The following SPATA22 variants were observed in gnomAD, a reference collection of about 807,000 sequenced individuals.
The protein encoded by SPATA22 is spermatogenesis associated 22.
Under a neutral mutation model 47.8 loss-of-function variants are expected in SPATA22, and 29 were observed. The ratio of observed to expected loss-of-function variants is 0.61; its 90% confidence interval spans 0.45 to 0.83. SPATA22 has a LOEUF of 0.83. Ranked by LOEUF, SPATA22 falls within the 40% of genes least tolerant of loss-of-function variation. The pLI, the probability that SPATA22 is intolerant of heterozygous loss-of-function variation, is 0.00. For synonymous variants in SPATA22, 133 were observed against 140.9 expected (o/e 0.94, Z 0.40); for missense variants, 410 against 421.7 (o/e 0.97, Z 0.24).
intron 1 of SPATA22, among the ~76,000 whole-genome samples, chr17:3,497,805 A>T (rs1333942525): frequency 2.0e-5 from 3 of 152,180 alleles, no homozygotes; most frequent in Non-Finnish European, 2.9e-5. Flanking sequence ...GGTGATGCGG[A>T]TGCTGCTGGG....
chr17:3,504,986 A>G (rs565295713), intron 1 of SPATA22, among the ~76,000 whole-genome samples: 355 of 152,156 alleles, frequency 2.3e-3, no homozygotes, highest in African/African-American at 8.3e-3. Flanking sequence ...GCCTCTGCCC[A>G]CCCCTCTAGC....
chr17:3,486,490 T>A (rs1054630611), intron 1 of SPATA22, among the ~76,000 whole-genome samples: 2 of 152,212 alleles, frequency 1.3e-5, no homozygotes, highest in African/African-American at 4.8e-5. Flanking sequence ...CACTTGTTTA[T>A]CCTGCCAGTT....
chr17:3,483,607 C>T (rs1362880583), intron 1 of SPATA22: 3 of 1,584,366 alleles, frequency 1.9e-6, no homozygotes, highest in Non-Finnish European at 2.6e-6. Flanking sequence ...GTCATAGTTC[C>T]CACTGTCATA....
At position 3,462,410 on chromosome 17, in the gene SPATA22, G is replaced by A. The variant is rs544617235; in HGVS notation, c.329+73C>T. On this transcript the variant is annotated intron_variant, in intron 5 of 8. Transcript: ENST00000572969. ...GTCTGAGAAACAACGAAGTGAAGGA[G>A]GAGGGAAGAATGAAGAGGAAGACAG... is the stretch of plus-strand genomic sequence containing the variant. The A allele has an allele frequency of 1.4e-5, 14 of 1,008,622 alleles. No individual in the cohort carries two copies. In the South Asian group the frequency reaches 1.5e-4, roughly 11 times the overall value. 62.5% of individuals were successfully genotyped at this position (1,008,622 alleles called of 1,614,324 possible).
In SPATA22 at chr17:3,443,173, C is replaced by T. The variant is rs1156746289; in HGVS notation, c.900+1G>A. 1.1e-5 allele frequency: 17 copies of T among 1,599,696 alleles called. No individual in the cohort carries two copies. The highest frequency in any genetic ancestry group is 1.7e-4 in the Middle Eastern group (1 of 6,018). ...GCAAAGAGTACTTTAAAAATACTCA[C>T]GATTTCATAAAAGACACAAGGCAGA... On this transcript the variant is annotated splice_donor_variant, in intron 8 of 8. Coordinates refer to ENST00000572969, the MANE Select transcript of SPATA22 (RefSeq NM_001170698.2). LOFTEE classifies it high-confidence loss of function.
intron 1 of SPATA22, among the ~76,000 whole-genome samples, chr17:3,493,935 TAACTA>T (rs2073867360): frequency 6.6e-6 from 1 of 152,230 alleles, no homozygotes; most frequent in South Asian, 2.1e-4. Flanking sequence ...TGAACATCCT[TAACTA>T]AACGTTATCT....
chr17:3,447,142 T>C (rs2072745481), intron 6 of SPATA22, among the ~76,000 whole-genome samples: 1 of 152,126 alleles, frequency 6.6e-6, no homozygotes, highest in Non-Finnish European at 1.5e-5. Context: ...AAATGTACTT[T>C]TTTTTTAGGA....
chr17:3,471,713 C>T lies in SPATA22; in HGVS notation c.-105G>A, dbSNP rs2150737901. 3 of 985,534 alleles carry T rather than the reference C, an allele frequency of 3.0e-6. No individual in the cohort carries two copies. The highest frequency in any genetic ancestry group is 2.3e-4 in the East Asian group (2 of 8,806). The allele number at this position is 985,534 out of a possible 1,614,324, so 61.0% of individuals were successfully genotyped here. On this transcript the variant is annotated 5_prime_UTR_variant, in exon 1 of 9. In the 5' UTR this introduces an upstream ATG that the reference lacks. Transcript: ENST00000572969. The stretch of plus-strand genomic sequence containing the variant: ...TCCCTTCTAGGCCCTCCTGCCAACA[C>T]GACACACAACTTTCGCCCTCAGTTT...
At chr17:3,471,850 G>A, upstream of SPATA22, 9 of 985,522 alleles carry the variant, frequency 9.1e-6, no homozygotes, top group Non-Finnish European at 1.1e-5. Flanking sequence ...GGACCGCGCA[G>A]GCGCAGTGGC....
intron 5 of SPATA22, among the ~76,000 whole-genome samples, chr17:3,454,194 T>C (rs2072929120): frequency 6.7e-6 from 1 of 148,304 alleles, no homozygotes; most frequent in Non-Finnish European, 1.5e-5. Flanking sequence ...CACTAAAAAA[T>C]ATAAAACAGA....
intron 8 of SPATA22, chr17:3,441,846 C>CAAT (rs72531724): frequency 2.0e-5 from 3 of 151,652 alleles, no homozygotes; most frequent in Non-Finnish European, 2.9e-5. Flanking sequence ...CTACACACAA[C>CAAT]ATAGATGAAT....
At chr17:3,462,064 C>T (rs6502725) in intron 5 of SPATA22, among the ~76,000 whole-genome samples, 150,593 of 152,332 alleles carry the variant, frequency 0.99, 74,463 homozygotes, top group East Asian at 1. Flanking sequence ...TCTGCCATTC[C>T]GTTTACCTTG....
At chr17:3,449,570 TAAG>T (rs1208374656) in intron 5 of SPATA22, among the ~76,000 whole-genome samples, 1 of 152,226 alleles carries the variant, frequency 6.6e-6, no homozygotes, top group Non-Finnish European at 1.5e-5. Flanking sequence ...AGTAAAATTT[TAAG>T]AAGTTAAACT....
chr17:3,483,542 A>G, intron 1 of SPATA22: 1 of 1,614,142 alleles, frequency 6.2e-7, no homozygotes, highest in Non-Finnish European at 8.5e-7. Flanking sequence ...CTGATTGAGC[A>G]TCCTTCCCTC....
At chr17:3,452,105 A>G (rs1348778339) in intron 5 of SPATA22, among the ~76,000 whole-genome samples, 3 of 151,924 alleles carry the variant, frequency 2.0e-5, no homozygotes, top group Non-Finnish European at 4.4e-5. Flanking sequence ...AACTTATGGG[A>G]AAGCAAAAGC....
At chr17:3,487,533 TC>T (rs1169812870) in intron 1 of SPATA22, among the ~76,000 whole-genome samples, 1 of 152,216 alleles carries the variant, frequency 6.6e-6, no homozygotes, top group Non-Finnish European at 1.5e-5. Flanking sequence ...AGTTTGGAAA[TC>T]TTAAGCTTTT....
intron 6 of SPATA22, among the ~76,000 whole-genome samples, chr17:3,447,710 A>G (rs1371139855): frequency 1.3e-5 from 2 of 152,212 alleles, no homozygotes; most frequent in Non-Finnish European, 2.9e-5. Flanking sequence ...AGGAGAAAAT[A>G]AAAGTATCAC....
upstream of SPATA22, chr17:3,476,199 G>C: frequency 6.2e-7 from 1 of 1,614,042 alleles, no homozygotes; most frequent in Non-Finnish European, 8.5e-7. Flanking sequence ...TATACAAAAG[G>C]TTGCTATCTT....
At chr17:3,482,708 C>T (rs929848584) in intron 1 of SPATA22, among the ~76,000 whole-genome samples, 3 of 151,912 alleles carry the variant, frequency 2.0e-5, no homozygotes, top group African/African-American at 7.3e-5. Context: ...TTTTTGTTTC[C>T]CTTCAGTTTT....
Sources: gnomAD v4.1 joint callset for allele counts (sites outside exome capture counted in the v4.1 genomes callset) on GRCh38, gnomAD v4.1.1 for gene constraint, MANE v1.5 for transcripts, NCBI Gene and HGNC (gene_info 2026-07-23, HGNC 2026-07-21) for gene names.